Variants in IFT74 observed in about 807,000 individuals in gnomAD.
IFT74 encodes intraflagellar transport protein 74 homolog.
Under a neutral mutation model 96.7 loss-of-function variants are expected in IFT74, and 92 were observed. That is an observed-to-expected ratio of 0.95 (90% CI 0.80 to 1.13). The LOEUF is 1.13. Ranked by LOEUF, IFT74 falls within the 50% of genes most tolerant of loss-of-function variation. IFT74 has a pLI of 0.00. For missense variants in IFT74, 811 were observed against 698.2 expected (o/e 1.16, Z -1.82); for synonymous variants, 223 against 213.2 (o/e 1.05, Z -0.40).
chr9:27,048,336 G>T, intron 16 of IFT74, 62 bp downstream of exon 16: 3 of 1,159,956 alleles, frequency 2.6e-6, no homozygotes, highest in Admixed American at 2.8e-5. Context: ...GTTATTCTCT[G>T]ATTATTTTAA....
intron 6 of IFT74, among the ~76,000 whole-genome samples, chr9:26,985,025 G>A (rs1827576799): frequency 6.6e-6 from 1 of 152,120 alleles, no homozygotes; most frequent in African/African-American, 2.4e-5. Flanking sequence ...TTGGAGCACG[G>A]TTTACAGTAG....
chr9:26,965,322 A>G (rs985715475), intron 2 of IFT74, among the ~76,000 whole-genome samples: 2 of 152,192 alleles, frequency 1.3e-5, no homozygotes, highest in African/African-American at 4.8e-5. Context: ...ACAGTAGGCT[A>G]AGTGCAAACT....
chr9:26,990,078 GA>G, intron 7 of IFT74, 55 bp from the exon 8 acceptor site: 1 of 1,063,598 alleles, frequency 9.4e-7, no homozygotes, highest in South Asian at 2.1e-5. Flanking sequence ...AACCTACAAA[GA>G]AAAAATTTGG....
intron 13 of IFT74, among the ~76,000 whole-genome samples, chr9:27,030,431 T>C (rs968941962): frequency 6.6e-6 from 1 of 150,720 alleles, no homozygotes; most frequent in Non-Finnish European, 1.5e-5. Flanking sequence ...GCCTGTAATC[T>C]CAGCTACTTG....
intron 13 of IFT74, among the ~76,000 whole-genome samples, chr9:27,039,551 A>G (rs1356917723): frequency 6.6e-6 from 1 of 152,178 alleles, no homozygotes; most frequent in Admixed American, 6.5e-5. Flanking sequence ...AAATAAAACA[A>G]AAAGTGTTAC....
intron 3 of IFT74, among the ~76,000 whole-genome samples, chr9:26,980,089 A>G (rs907039211): frequency 1.3e-5 from 2 of 152,230 alleles, no homozygotes; most frequent in Non-Finnish European, 2.9e-5. Context: ...ATAAAAAATC[A>G]TAGTCACTTT....
intron 13 of IFT74, among the ~76,000 whole-genome samples, chr9:27,034,791 A>C (rs1050226076): frequency 6.6e-6 from 1 of 152,194 alleles, no homozygotes; most frequent in African/African-American, 2.4e-5. Flanking sequence ...TGGCCTCCCA[A>C]AGTGTTGGGA....
intron 6 of IFT74, among the ~76,000 whole-genome samples, chr9:26,987,204 C>CAGCTGGGATTACAGGTGCGGTCCTGAGT (rs1371974313): frequency 6.0e-4 from 91 of 151,968 alleles, no homozygotes; most frequent in Non-Finnish European, 7.6e-4. Flanking sequence ...CGCTTGCCAC[C>CAGCTGGGATTACAGGTGCGGTCCTGAGT]AGCTGGGATT....
At chr9:26,951,014 A>G (rs1825915411) in intron 1 of IFT74, among the ~76,000 whole-genome samples, 1 of 152,240 alleles carries the variant, frequency 6.6e-6, no homozygotes, top group East Asian at 1.9e-4. Flanking sequence ...CTGTCTGCAT[A>G]CAAATAACAA....
In IFT74 at chr9:27,012,708, G is replaced by GTTTTTT. The variant is rs772920018; in HGVS notation, c.789+762_789+767dup. On this transcript the variant is annotated intron_variant, in intron 10 of 19. Coordinates refer to ENST00000380062, the MANE Select transcript of IFT74 (RefSeq NM_025103.4). The stretch of plus-strand genomic sequence containing the variant: ...GAACAAGAGGAAAGTAAAAATGTCT[G>GTTTTTT]TTTTTTTTTTTTTTTTTTTTTTTTT... Among the ~76,000 whole-genome samples, 702 of 53,858 alleles carry GTTTTTT rather than the reference G, an allele frequency of 0.013. 174 individuals are homozygous for GTTTTTT. The East Asian group carries it at 0.19, about 14-fold the overall frequency. The allele number at this position is 53,858 out of a possible 152,430, so 35.3% of individuals were successfully genotyped here.
At chr9:26,963,578 G>C (rs1181226977) in intron 2 of IFT74, among the ~76,000 whole-genome samples, 1 of 150,934 alleles carries the variant, frequency 6.6e-6, no homozygotes, top group Non-Finnish European at 1.5e-5. Flanking sequence ...CCCACCAACA[G>C]TGTAAAAGTG....
Position 27,061,707 on chromosome 9 carries a change from T to TGTAC in IFT74, c.1685-911_1685-910insGTAC, listed in dbSNP as rs1187342785. The stretch of plus-strand genomic sequence containing the variant: ...TATATATATATATATGTACATAATA[T>TGTAC]ATAATATATAGTTGTTTGTTGTTTA... On this transcript the variant is annotated intron_variant, in intron 19 of 19. Transcript: ENST00000380062. Among the ~76,000 whole-genome samples, 944 of 141,720 alleles carry TGTAC rather than the reference T, an allele frequency of 6.7e-3. 9 individuals carry two copies. The highest frequency in any genetic ancestry group is 0.023 in the African/African-American group (911 of 38,828). The allele number at this position is 141,720 out of a possible 152,430, so 93.0% of individuals were successfully genotyped here. A position where few individuals can be genotyped will look rare whatever the true frequency, so the allele number is the denominator to read the frequency against.
chr9:26,997,912 A>G (rs746008174), intron 8 of IFT74: 1 of 1,614,108 alleles, frequency 6.2e-7, no homozygotes, highest in Non-Finnish European at 8.5e-7. Context: ...ATACATCAGC[A>G]TTCAGTTGTT....
intron 12 of IFT74, among the ~76,000 whole-genome samples, chr9:27,027,726 T>A (rs1467578657): frequency 5.3e-5 from 8 of 152,222 alleles, no homozygotes; most frequent in Admixed American, 5.2e-4. Context: ...ATACATGATT[T>A]GTAAAAATTT....
chr9:27,009,475 T>A (rs1433709497), intron 9 of IFT74, among the ~76,000 whole-genome samples: 1 of 152,200 alleles, frequency 6.6e-6, no homozygotes, highest in Non-Finnish European at 1.5e-5. Context: ...CTATAAATAT[T>A]TGCATTTATA....
chr9:26,999,715 G>A, intron 8 of IFT74: 1 of 1,505,398 alleles, frequency 6.6e-7, no homozygotes, highest in Non-Finnish European at 9.0e-7. Context: ...TGATAGAAAA[G>A]AGAGTATTTT....
intron 1 of IFT74, among the ~76,000 whole-genome samples, chr9:26,948,445 A>ATTTT (rs1554662864): frequency 2.5e-4 from 12 of 47,312 alleles, no homozygotes; most frequent in Admixed American, 5.1e-4. Context: ...ATGGCTTTCC[A>ATTTT]TTATTTTTTT....
At chr9:26,954,806 A>G (rs1458113848), upstream of IFT74, among the ~76,000 whole-genome samples, 4 of 152,052 alleles carry the variant, frequency 2.6e-5, no homozygotes, top group Non-Finnish European at 4.4e-5. Flanking sequence ...TAACCTAATT[A>G]CTAACCAAAT....
intron 10 of IFT74, among the ~76,000 whole-genome samples, chr9:27,016,653 TTA>T (rs1669659154): frequency 6.6e-6 from 1 of 152,230 alleles, no homozygotes; most frequent in Admixed American, 6.5e-5. Context: ...TATTCAGGTC[TTA>T]TATGTAGAAA....
Sources: gnomAD v4.1 joint callset for allele counts (sites outside exome capture counted in the v4.1 genomes callset) on GRCh38, gnomAD v4.1.1 for gene constraint, MANE v1.5 for transcripts, NCBI Gene and HGNC (gene_info 2026-07-23, HGNC 2026-07-21) for gene names.